Variants in ZNF674 observed in about 807,000 individuals in gnomAD.
ZNF674 encodes zinc finger family member 674.
Under a neutral mutation model 7.0 loss-of-function variants are expected in ZNF674, and 2 were observed. The ratio of observed to expected loss-of-function variants is 0.29; its 90% confidence interval spans 0.12 to 0.90. The LOEUF is 0.90. ZNF674 is among the 40% of genes least tolerant of loss of function. ZNF674 has a pLI of 0.57. For missense variants in ZNF674, 297 were observed against 415.5 expected, an observed-to-expected ratio of 0.71 and a Z score of 2.48; for synonymous variants, 103 against 145.2, an observed-to-expected ratio of 0.71 and a Z score of 2.09.
chrX:46,524,287 A>G (rs1277253612), intron 5 of ZNF674, among the ~76,000 whole-genome samples: 1 of 112,066 alleles, frequency 8.9e-6, no homozygotes, highest in Non-Finnish European at 1.9e-5. Flanking sequence ...GACACATAGC[A>G]TAGATGCAAA....
chrX:46,519,961 G>A (rs1261234298), intron 5 of ZNF674, among the ~76,000 whole-genome samples: 1 of 112,224 alleles, frequency 8.9e-6, no homozygotes, highest in African/African-American at 3.2e-5. Context: ...ATTATGCTGA[G>A]TGAAAAAGAA....
At chrX:46,513,061 G>A (rs752676468) in intron 5 of ZNF674, among the ~76,000 whole-genome samples, 1 of 110,818 alleles carries the variant, frequency 9.0e-6, no homozygotes, top group Non-Finnish European at 1.9e-5. Flanking sequence ...TCAAGAGATC[G>A]AGACCATCCT....
At chrX:46,528,502 T>C in intron 4 of ZNF674, 57 bp from the exon 5 acceptor site, 1 of 1,136,577 alleles carries the variant, frequency 8.8e-7, no homozygotes. Context: ...TTCCAGAACC[T>C]AGGCCCACCC....
chrX:46,522,884 T>C (rs1443756426), intron 5 of ZNF674: 1 of 112,873 alleles, frequency 8.9e-6, no homozygotes, highest in African/African-American at 3.2e-5. Context: ...ATATTGCCTG[T>C]GTATACAAAT....
intron 3 of ZNF674, among the ~76,000 whole-genome samples, chrX:46,537,142 G>A (rs762567796): frequency 2.5e-4 from 28 of 110,810 alleles, no homozygotes; most frequent in Admixed American, 8.7e-4. Flanking sequence ...CTGGTGGCGT[G>A]AGCCTGTAAT....
rs756871981 is a variant in ZNF674, at chrX:46,501,318, C to T, written c.256G>A (p.Glu86Lys). 5.6e-5 allele frequency: 67 copies of T among 1,202,468 alleles called. No homozygotes were observed. The highest frequency in any genetic ancestry group is 7.2e-5 in the Non-Finnish European group (64 of 892,260). Residue 86 changes from glutamate to lysine, a missense_variant, in exon 6 of 6, where the codon GAG (glutamate) becomes AAG (lysine). By Grantham distance (56) the Glu-to-Lys change is moderately conservative. Transcript: ENST00000683375. Reference protein sequence around the residue: ...RTCAEVWEVDEQIDHYKESQD... With the variant: ...RTCAEVWEVDKQIDHYKESQD... ...CTTTCCTTGTAGTGATCTATCTGCT[C>T]GTCAACTTCCCAGACTTCTAGAAGA... is the stretch of plus-strand genomic sequence containing the variant.
chrX:46,523,118 ATTTC>A (rs1415941520), intron 5 of ZNF674: 2 of 254,836 alleles, frequency 7.8e-6, no homozygotes, highest in Non-Finnish European at 1.5e-5. Context: ...ATCAATAAGG[ATTTC>A]TTTCTATCTC....
At chrX:46,530,316 C>T (rs1236974102) in intron 3 of ZNF674, among the ~76,000 whole-genome samples, 5 of 111,525 alleles carry the variant, frequency 4.5e-5, no homozygotes, top group Non-Finnish European at 9.4e-5. Flanking sequence ...GCTGTTAGCC[C>T]AATCTGCCCC....
chrX:46,529,886 C>A (rs1942079772), intron 3 of ZNF674, among the ~76,000 whole-genome samples: 1 of 111,335 alleles, frequency 9.0e-6, no homozygotes, highest in Non-Finnish European at 1.9e-5. Flanking sequence ...GGACACAGAG[C>A]TACAACAAAC....
At chrX:46,528,204 A>G in intron 5 of ZNF674, 146 bp downstream of exon 5, 1 of 600,166 alleles carries the variant, frequency 1.7e-6, no homozygotes, top group East Asian at 3.5e-5. Context: ...TCATTTGGAC[A>G]TGACAACAGT....
At chrX:46,537,815 G>T (rs1017661109) in intron 3 of ZNF674, among the ~76,000 whole-genome samples, 3 of 112,303 alleles carry the variant, frequency 2.7e-5, no homozygotes, top group African/African-American at 9.7e-5. Context: ...AGGGCCAGGC[G>T]TGGTGGCTCA....
intron 3 of ZNF674, 55 bp from the exon 4 acceptor site, chrX:46,528,964 A>G (rs996801139): frequency 8.3e-6 from 10 of 1,209,145 alleles, no homozygotes; most frequent in African/African-American, 1.8e-5. Flanking sequence ...GCACTGGGAC[A>G]TGGCACCTCA....
intron 5 of ZNF674, among the ~76,000 whole-genome samples, chrX:46,510,224 G>T (rs1941627932): frequency 9.2e-6 from 1 of 108,535 alleles, no homozygotes; most frequent in African/African-American, 3.3e-5. Flanking sequence ...CACCAGCATG[G>T]CACATGTATA....
At chrX:46,530,029 T>C (rs932709412) in intron 3 of ZNF674, among the ~76,000 whole-genome samples, 18 of 112,169 alleles carry the variant, frequency 1.6e-4, no homozygotes, top group African/African-American at 5.8e-4. Flanking sequence ...GGTCTGTGCT[T>C]GGCCTTGTCA....
intron 5 of ZNF674, among the ~76,000 whole-genome samples, chrX:46,507,995 G>A (rs1311177419): frequency 9.1e-6 from 1 of 110,198 alleles, no homozygotes; most frequent in East Asian, 2.8e-4. Flanking sequence ...TTTCTTTACA[G>A]TTTCACCACA....
chrX:46,530,247 C>A (rs1416997585), intron 3 of ZNF674, among the ~76,000 whole-genome samples: 2 of 112,017 alleles, frequency 1.8e-5, no homozygotes, highest in Non-Finnish European at 3.8e-5. Context: ...AGCCAGTGTG[C>A]CAGAGGGCGG....
intron 5 of ZNF674, among the ~76,000 whole-genome samples, chrX:46,524,709 A>G (rs1941977123): frequency 9.4e-6 from 1 of 106,358 alleles, no homozygotes; most frequent in Non-Finnish European, 1.9e-5. Flanking sequence ...AAAAAAAAAA[A>G]AAAGAAAAAT....
chrX:46,533,829 A>AAAAAAT (rs1415090691), intron 3 of ZNF674, among the ~76,000 whole-genome samples: 21 of 65,534 alleles, frequency 3.2e-4, no homozygotes, highest in African/African-American at 1.8e-3. Flanking sequence ...AAAAAAAAAA[A>AAAAAAT]ATATATATAT....
At chrX:46,510,778 G>A (rs1941640424) in intron 5 of ZNF674, among the ~76,000 whole-genome samples, 1 of 112,410 alleles carries the variant, frequency 8.9e-6, no homozygotes, top group Admixed American at 9.5e-5. Context: ...GTAACAGAGC[G>A]AGACTCTGTC....
Sources: gnomAD v4.1 joint callset for allele counts (sites outside exome capture counted in the v4.1 genomes callset) on GRCh38, gnomAD v4.1.1 for gene constraint, MANE v1.5 for transcripts, NCBI Gene and HGNC (gene_info 2026-07-23, HGNC 2026-07-21) for gene names.